Variants in RBFOX1 observed in about 807,000 individuals in gnomAD.
The protein encoded by RBFOX1 is RNA binding fox-1 homolog 1.
A neutral mutation model predicts 57.7 loss-of-function variants in RBFOX1; 8 were observed. The ratio of observed to expected loss-of-function variants is 0.14; its 90% CI spans 0.08 to 0.25. The LOEUF is 0.25. Ranked by LOEUF, RBFOX1 falls within the 10% of genes least tolerant of loss-of-function variation. RBFOX1 has a pLI of 1.00. For missense variants in RBFOX1, 611 were observed against 548.5 expected (o/e 1.11, Z -1.14); for synonymous variants, 326 against 222.4 (o/e 1.47, Z -4.15).
intron 4 of RBFOX1, among the ~76,000 whole-genome samples, chr16:7,382,069 G>T (rs1248106718): frequency 6.6e-6 from 1 of 152,178 alleles, no homozygotes; most frequent in East Asian, 1.9e-4. Flanking sequence ...TTGGAAGTTG[G>T]TTCTGGATTA....
intron 4 of RBFOX1, among the ~76,000 whole-genome samples, chr16:7,180,842 A>G (rs1249991349): frequency 6.6e-6 from 1 of 152,214 alleles, no homozygotes; most frequent in East Asian, 1.9e-4. Flanking sequence ...TTAGGATTTT[A>G]TGCTTAAAGC....
At chr16:7,682,108 C>G (rs746254932) in intron 14 of RBFOX1, among the ~76,000 whole-genome samples, 3 of 152,140 alleles carry the variant, frequency 2.0e-5, no homozygotes, top group Non-Finnish European at 4.4e-5. Flanking sequence ...ATTCTTCCTT[C>G]TCACATGCTG....
chr16:5,307,616 G>T (rs1345372527), intron 1 of RBFOX1, among the ~76,000 whole-genome samples: 1 of 152,142 alleles, frequency 6.6e-6, no homozygotes, highest in African/African-American at 2.4e-5. Context: ...ACCGGGAATT[G>T]TGCACACATG....
chr16:5,696,561 T>C (rs2050849019), intron 3 of RBFOX1, among the ~76,000 whole-genome samples: 1 of 152,246 alleles, frequency 6.6e-6, no homozygotes, highest in South Asian at 2.1e-4. Flanking sequence ...ACCGCATATT[T>C]CTAAAACCAT....
At chr16:6,267,002 G>A (rs2074591408) in intron 1 of RBFOX1, among the ~76,000 whole-genome samples, 1 of 152,152 alleles carries the variant, frequency 6.6e-6, no homozygotes, top group Non-Finnish European at 1.5e-5. Flanking sequence ...GAGATTTCTG[G>A]CTCCACCACC....
At chr16:6,617,228 A>G (rs1397255062) in intron 2 of RBFOX1, among the ~76,000 whole-genome samples, 1 of 151,864 alleles carries the variant, frequency 6.6e-6, no homozygotes, top group African/African-American at 2.4e-5. Context: ...TTGGAAAAAT[A>G]CATGTTTGAA....
chr16:6,718,714 AGT>A (rs2065328045), intron 3 of RBFOX1, among the ~76,000 whole-genome samples: 1 of 152,200 alleles, frequency 6.6e-6, no homozygotes, highest in African/African-American at 2.4e-5. Flanking sequence ...GTTGTTGAAA[AGT>A]GTGTACCACT....
At chr16:7,460,788 A>G (rs1289763069) in intron 4 of RBFOX1, among the ~76,000 whole-genome samples, 2 of 152,176 alleles carry the variant, frequency 1.3e-5, no homozygotes, top group Non-Finnish European at 2.9e-5. Context: ...GTGTTGAAGA[A>G]AAAGAAATTA....
At chr16:6,003,822 G>A (rs2060645771) in intron 4 of RBFOX1, among the ~76,000 whole-genome samples, 1 of 152,164 alleles carries the variant, frequency 6.6e-6, no homozygotes, top group Admixed American at 6.5e-5. Flanking sequence ...GAGGGTCTGT[G>A]CCCCCCAACT....
intron 2 of RBFOX1, among the ~76,000 whole-genome samples, chr16:6,404,092 C>T (rs148588801): frequency 8.1e-4 from 123 of 152,164 alleles, no homozygotes; most frequent in African/African-American, 2.5e-3. Context: ...TCCATGGACT[C>T]GGCATCCATG....
intron 3 of RBFOX1, among the ~76,000 whole-genome samples, chr16:6,983,219 C>G (rs571766800): frequency 3.3e-5 from 5 of 152,016 alleles, no homozygotes; most frequent in Non-Finnish European, 5.9e-5. Flanking sequence ...CTCTGTCACC[C>G]GCTTTATCCT....
At chr16:7,650,419 G>GT (rs2064784168) in intron 11 of RBFOX1, among the ~76,000 whole-genome samples, 1 of 151,004 alleles carries the variant, frequency 6.6e-6, no homozygotes, top group South Asian at 2.1e-4. Context: ...AAAATAAGAA[G>GT]TCCCCCAATG....
intron 1 of RBFOX1, among the ~76,000 whole-genome samples, chr16:5,427,198 A>G (rs1041523670): frequency 3.3e-5 from 5 of 152,252 alleles, no homozygotes; most frequent in Admixed American, 6.5e-5. Flanking sequence ...GATTCACCAG[A>G]GAATGAGTAC....
chr16:6,735,528 A>G (rs2069969437), intron 3 of RBFOX1, among the ~76,000 whole-genome samples: 1 of 152,202 alleles, frequency 6.6e-6, no homozygotes. Context: ...AGTGGCAGCT[A>G]CTGTTGTGTC....
chr16:7,697,006 G>C (rs1381230213), intron 14 of RBFOX1, among the ~76,000 whole-genome samples: 1 of 152,166 alleles, frequency 6.6e-6, no homozygotes, highest in Non-Finnish European at 1.5e-5. Context: ...GGGGTCAGAG[G>C]AAGTTAGGAC....
In RBFOX1 at chr16:7,392,940, C is replaced by A. The variant is rs565558662; in HGVS notation, c.28-125207C>A. On this transcript the variant is annotated intron_variant, in intron 4 of 15. Transcript: ENST00000550418. ...CCAAGCTGGAGTGCAGTGGCATGAT[C>A]TCGGCTCACTGCAACCTCCGCCTCC... Among the ~76,000 whole-genome samples the A allele has an allele frequency of 4.6e-5, 7 of 152,196 alleles. 1 individual carries two copies. The highest frequency in any genetic ancestry group is 1.3e-4 in the Admixed American group (2 of 15,282).
At chr16:5,318,643 C>A (rs924308486) in intron 1 of RBFOX1, among the ~76,000 whole-genome samples, 1 of 152,200 alleles carries the variant, frequency 6.6e-6, no homozygotes. Flanking sequence ...CAGGGTTCCT[C>A]CTTGTGGTAG....
chr16:5,975,203 T>G (rs1029658710), intron 4 of RBFOX1, among the ~76,000 whole-genome samples: 2 of 152,306 alleles, frequency 1.3e-5, no homozygotes, highest in Admixed American at 6.5e-5. Flanking sequence ...TCTTTCTCGA[T>G]GCCGGCTTGG....
chr16:6,289,354 G>T (rs1021006983), intron 1 of RBFOX1, among the ~76,000 whole-genome samples: 1 of 152,164 alleles, frequency 6.6e-6, no homozygotes, highest in African/African-American at 2.4e-5. Flanking sequence ...GTGATGCAAA[G>T]TATAATGCCC....
Sources: gnomAD v4.1 joint callset for allele counts (sites outside exome capture counted in the v4.1 genomes callset) on GRCh38, gnomAD v4.1.1 for gene constraint, MANE v1.5 for transcripts, NCBI Gene and HGNC (gene_info 2026-07-23, HGNC 2026-07-21) for gene names.